FMOD: variants seen among roughly 807,000 people sequenced by gnomAD.
FMOD encodes KSPG fibromodulin.
In FMOD, 15 loss-of-function variants were observed where a neutral mutation model predicts 27.0. That is an observed-to-expected ratio of 0.55 (90% confidence interval 0.37 to 0.85). FMOD has a LOEUF of 0.85. FMOD is among the 40% of genes least tolerant of loss of function. FMOD has a pLI of 0.00. For synonymous variants in FMOD, 210 were observed against 214.0 expected, an observed-to-expected ratio of 0.98 and a Z score of 0.16; for missense variants, 460 against 483.2, an observed-to-expected ratio of 0.95 and a Z score of 0.45.
chr1:203,349,700 G>T (rs1263121188), intron 1 of FMOD, among the ~76,000 whole-genome samples: 1 of 152,198 alleles, frequency 6.6e-6, no homozygotes, highest in African/African-American at 2.4e-5. Flanking sequence ...GAGTATAAAA[G>T]CCAACATCAT....
intron 2 of FMOD, among the ~76,000 whole-genome samples, chr1:203,343,677 G>A (rs975703314): frequency 6.6e-6 from 1 of 152,190 alleles, no homozygotes; most frequent in Non-Finnish European, 1.5e-5. Context: ...GTGGTCAGGA[G>A]GTGCGTCAGT....
intron 2 of FMOD, among the ~76,000 whole-genome samples, chr1:203,344,406 T>C (rs995759384): frequency 2.0e-5 from 3 of 152,188 alleles, no homozygotes; most frequent in Non-Finnish European, 4.4e-5. Flanking sequence ...CCCCCCCGTC[T>C]TCCCCAAGCC....
rs773478079 is a variant in FMOD at position 203,348,048 on chromosome 1, C to A, written c.223G>T (p.Asp75Tyr). The A allele has an allele frequency of 5.6e-6, 9 of 1,612,522 alleles. 1 individual carries two copies. The South Asian group carries it at 9.9e-5, about 18-fold the overall frequency. Residue 75 changes from aspartate (D) to tyrosine (Y), a missense_variant, in exon 2 of 3, where the codon GAC becomes TAC. Transcript: ENST00000354955. Reference sequence around the variant, plus strand: ...GGGCAGTCGCACTCCTGGGGGCAGTCGCGGGGATCTGGAGGGGATGGAGAG... The same window carrying A: ...GGGCAGTCGCACTCCTGGGGGCAGTAGCGGGGATCTGGAGGGGATGGAGAG... ...YGSPSPPDPRDCPQECDCPPN... is the reference protein window; with the variant it reads ...YGSPSPPDPRYCPQECDCPPN...
chr1:203,347,773 G>T lies in FMOD; in HGVS notation c.498C>A (p.Asn166Lys), dbSNP rs769517548. 4.3e-6 allele frequency: 7 copies of T among 1,613,744 alleles called. No homozygotes were observed. The African/African-American group carries it at 8.0e-5, about 18-fold the overall frequency. ...HLERLYLDHN[N>K]LTRMPGPLPR... ...GCAGGGGACCGGGCATCCGGGTCAG[G>T]TTGTTGTGGTCCAGGTACAGCCTCT... The change falls in exon 2 of 3, where the codon AAC (asparagine) becomes AAA (lysine). Residue 166 changes from asparagine (N) to lysine (K), a missense_variant. By Grantham distance (94) the Asn-to-Lys change is moderately conservative. Coordinates refer to ENST00000354955, the MANE Select transcript of FMOD (RefSeq NM_002023.5).
chr1:203,345,966 A>G (rs998010934), intron 2 of FMOD, among the ~76,000 whole-genome samples: 1 of 151,978 alleles, frequency 6.6e-6, no homozygotes, highest in African/African-American at 2.4e-5. Context: ...GACCCCAAAG[A>G]AAGAGAGATT....
chr1:203,347,772 G>A lies in FMOD; in HGVS notation c.499C>T (p.Leu167=). The A allele has an allele frequency of 6.2e-7, 1 of 1,613,884 alleles. No individual in the cohort carries two copies. Among genetic ancestry groups the A allele is most frequent in the East Asian group, 2.2e-5 (1 of 44,870 alleles). The part of the protein sequence containing the change: ...LERLYLDHNN[L]TRMPGPLPRS... ...GGCAGGGGACCGGGCATCCGGGTCA[G>A]GTTGTTGTGGTCCAGGTACAGCCTC... The change falls in exon 2 of 3, where the codon CTG becomes TTG. Residue 167 remains leucine, a synonymous_variant. Coordinates refer to ENST00000354955, the MANE Select transcript of FMOD (RefSeq NM_002023.5).
chr1:203,345,466 A>G (rs2105309), intron 2 of FMOD, among the ~76,000 whole-genome samples: 117,401 of 152,156 alleles, frequency 0.77, 46,226 homozygotes, highest in Non-Finnish European at 0.85. Context: ...TCAAACTTGG[A>G]TGAAGCACAG....
chr1:203,348,324 C>T (rs1246046000), intron 1 of FMOD, 47 bp from the exon 2 acceptor site: 2 of 1,570,744 alleles, frequency 1.3e-6, no homozygotes, highest in East Asian at 4.5e-5. Context: ...GAGTGAGACT[C>T]CACAGAGGCA....
chr1:203,348,224 G>C lies in FMOD; in HGVS notation c.47C>G (p.Ser16Cys), dbSNP rs1658931217. ...AGGGTCATCTTCATACTGGGCCTGG[G>C]AGAGGGAGAAGAGCCCTGCCAGCAG... is the stretch of plus-strand genomic sequence containing the variant. ...LLLLAGLFSL[S>C]QAQYEDDPHW... The change falls in exon 2 of 3, where the codon TCC (serine) becomes TGC (cysteine). Residue 16 changes from serine (S) to cysteine (C), a missense_variant. By Grantham distance (112) the Ser-to-Cys change is moderately radical (BLOSUM62 -1). Coordinates refer to ENST00000354955, the MANE Select transcript of FMOD (RefSeq NM_002023.5). 1.2e-6 allele frequency: 2 copies of C among 1,614,080 alleles called. No individual in the cohort carries two copies. Among genetic ancestry groups the C allele is most frequent in the African/African-American group, 1.3e-5 (1 of 74,936 alleles).
At position 203,346,098 on chromosome 1, in the gene FMOD, G is replaced by T. The variant is rs541242346; in HGVS notation, c.979+1194C>A. Among the ~76,000 whole-genome samples, 7 of 152,212 alleles carry T rather than the reference G, an allele frequency of 4.6e-5. No homozygotes were observed. In the South Asian group the frequency reaches 1.5e-3, roughly 32 times the overall value. ...AACTCCCAAATTGCCCTCTGGGGCT[G>T]GTGCCTCTCTCACTCAGAGGGCTGC... On this transcript the variant is annotated intron_variant, in intron 2 of 2. Transcript: ENST00000354955.
rs768385270 is a variant in FMOD at position 203,342,349 on chromosome 1, C to T, written c.1125G>A (p.Glu375=). The T allele has an allele frequency of 1.2e-6, 2 of 1,611,226 alleles. No homozygotes were observed. ...TACCCGGTGCCAGGGCTGCTCAGAT[C>T]TCGATGAGGCTGGCAAGGCGCAGGC... The part of the protein sequence containing the change: ...PLCLRLASLI[E]I Residue 375 remains glutamate, a synonymous_variant, in exon 3 of 3, where the codon GAG becomes GAA. Transcript: ENST00000354955.
intron 1 of FMOD, among the ~76,000 whole-genome samples, chr1:203,350,082 G>T (rs758625008): frequency 6.6e-6 from 1 of 152,228 alleles, no homozygotes; most frequent in Non-Finnish European, 1.5e-5. Flanking sequence ...CTGGCACAGT[G>T]AGCCTCTGTC....
At position 203,340,936 on chromosome 1, in the gene FMOD, C is replaced by T. The variant is rs892149689; in HGVS notation, c.*1407G>A. 1 of 152,264 alleles carries T rather than the reference C, an allele frequency of 6.6e-6. No individual in the cohort carries two copies. The highest frequency in any genetic ancestry group is 2.4e-5 in the African/African-American group (1 of 41,470). 9.4% of individuals were successfully genotyped at this position (152,264 alleles called of 1,614,324 possible). A position where few individuals can be genotyped will look rare whatever the true frequency, so the allele number is the denominator to read the frequency against. ...CATCTGGGCAGAGCCTATACTTGGG[C>T]TAACTCTCCTCCAACAGTCCTTGCC... On this transcript the variant is annotated 3_prime_UTR_variant, in exon 3 of 3. Transcript: ENST00000354955.
intron 2 of FMOD, among the ~76,000 whole-genome samples, chr1:203,344,619 G>A (rs1415678957): frequency 6.6e-6 from 1 of 152,154 alleles, no homozygotes; most frequent in Non-Finnish European, 1.5e-5. Context: ...GGGAAGTGGC[G>A]AGGAGAGGAC....
chr1:203,348,081 T>C lies in FMOD; in HGVS notation c.190A>G (p.Thr64Ala). 1 of 1,613,974 alleles carries C rather than the reference T, an allele frequency of 6.2e-7. No individual in the cohort carries two copies. The highest frequency in any genetic ancestry group is 8.5e-7 in the Non-Finnish European group (1 of 1,179,928). ...PYGVDEGPAY[T>A]YGSPSPPDPR... ...TCTGGAGGGGATGGAGAGCCGTAGG[T>C]GTAGGCTGGCCCTTCATCCACCCCA... The change falls in exon 2 of 3, where the codon ACC becomes GCC. Residue 64 changes from threonine to alanine, a missense_variant. Transcript: ENST00000354955.
intron 2 of FMOD, among the ~76,000 whole-genome samples, chr1:203,344,097 C>T (rs1228632064): frequency 6.6e-6 from 1 of 152,164 alleles, no homozygotes; most frequent in East Asian, 1.9e-4. Context: ...GATTAAGTGG[C>T]CTCTGAGTGA....
rs557683506 is a variant in FMOD at position 203,342,820 on chromosome 1, G to C, written c.980-326C>G. On this transcript the variant is annotated intron_variant, in intron 2 of 2. Coordinates refer to ENST00000354955, the MANE Select transcript of FMOD (RefSeq NM_002023.5). ...AGGATAGGGGGGCAGGTGGGCAGCT[G>C]TGGGCAGCAGTAGGAAGCAGAGGGT... Among the ~76,000 whole-genome samples the C allele has an allele frequency of 2.5e-4, 38 of 151,696 alleles. 1 individual carries two copies. Among genetic ancestry groups the C allele is most frequent in the Admixed American group, 1.7e-3 (26 of 15,244 alleles).
chr1:203,342,806 G>T (rs902475562), intron 2 of FMOD, among the ~76,000 whole-genome samples: 2 of 151,900 alleles, frequency 1.3e-5, no homozygotes, highest in African/African-American at 4.8e-5. Flanking sequence ...GGATAGGGGG[G>T]CAGGTGGGCA....
rs753219251 is a variant in FMOD at position 203,342,459 on chromosome 1, C to T, written c.1015G>A (p.Val339Ile). The T allele has an allele frequency of 9.3e-6, 15 of 1,614,138 alleles. No individual in the cohort carries two copies. Among genetic ancestry groups the T allele is most frequent in the East Asian group, 8.9e-5 (4 of 44,876 alleles). ...ACCTGCAGCTTGGAGAAGTTCACGA[C>T]GTCCACCACGGTGCAGAAGCTGCTG... ...SISSFCTVVD[V>I]VNFSKLQVLR... Residue 339 changes from valine to isoleucine, a missense_variant, in exon 3 of 3, where the codon GTC (valine) becomes ATC (isoleucine). Coordinates refer to ENST00000354955, the MANE Select transcript of FMOD (RefSeq NM_002023.5).
Sources: allele counts gnomAD v4.1 joint callset (sites outside exome capture counted in the v4.1 genomes callset), GRCh38; gene constraint gnomAD v4.1.1; transcripts MANE v1.5; gene names NCBI Gene and HGNC (gene_info 2026-07-23, HGNC 2026-07-21).